PTPRK: variants seen among roughly 807,000 people sequenced by gnomAD.
The protein encoded by PTPRK is receptor-type tyrosine-protein phosphatase kappa.
In PTPRK, 75 loss-of-function variants were observed where a neutral mutation model predicts 178.0. The ratio of observed to expected loss-of-function variants is 0.42; its 90% confidence interval spans 0.35 to 0.51. The LOEUF (loss-of-function observed/expected upper bound fraction) is 0.51, where lower values mean the gene tolerates loss of function less well. Ranked by LOEUF, PTPRK falls within the 20% of genes least tolerant of loss-of-function variation. The probability of loss-of-function intolerance (pLI) is 0.02; values close to 1 mark genes in which losing one functional copy is unlikely to be tolerated. For synonymous variants in PTPRK, 637 were observed against 620.6 expected (o/e 1.03, Z -0.39); for missense variants, 1,441 against 1,797.8 (o/e 0.80, Z 3.59).
At chr6:128,364,636 GATAA>G (rs1207700723) in intron 2 of PTPRK, among the ~76,000 whole-genome samples, 7 of 152,014 alleles carry the variant, frequency 4.6e-5, no homozygotes, top group African/African-American at 9.6e-5. Flanking sequence ...TAAACAGACA[GATAA>G]ATAAATAAAT....
chr6:128,236,510 G>A (rs933173685), intron 5 of PTPRK, among the ~76,000 whole-genome samples: 5 of 151,662 alleles, frequency 3.3e-5, no homozygotes, highest in East Asian at 1.9e-4. Context: ...CACCACGCCC[G>A]GCTAATTTTT....
chr6:128,106,736 C>A (rs1213535938), intron 7 of PTPRK, among the ~76,000 whole-genome samples: 2 of 152,158 alleles, frequency 1.3e-5, no homozygotes, highest in Non-Finnish European at 1.5e-5. Context: ...TTCAATAATT[C>A]TTTTGAATGT....
At chr6:128,061,346 C>A (rs1184889134) in intron 13 of PTPRK, among the ~76,000 whole-genome samples, 3 of 152,114 alleles carry the variant, frequency 2.0e-5, no homozygotes. Flanking sequence ...AAGCAACAGA[C>A]TGTTGCATAT....
intron 1 of PTPRK, among the ~76,000 whole-genome samples, chr6:128,420,892 A>G (rs1270639127): frequency 6.6e-6 from 1 of 152,220 alleles, no homozygotes; most frequent in East Asian, 1.9e-4. Flanking sequence ...CAGTATAATC[A>G]ATTTCAACTC....
intron 1 of PTPRK, among the ~76,000 whole-genome samples, chr6:128,480,223 C>T (rs975882490): frequency 6.6e-6 from 1 of 152,130 alleles, no homozygotes; most frequent in African/African-American, 2.4e-5. Flanking sequence ...GGCTTGACCT[C>T]TCTCATTCCC....
intron 13 of PTPRK, among the ~76,000 whole-genome samples, chr6:128,019,605 T>TTTCC (rs759316776): frequency 1.4e-4 from 22 of 152,166 alleles, no homozygotes; most frequent in Non-Finnish European, 2.6e-4. Context: ...TACTTTTTTG[T>TTTCC]TTCCTTCCTT....
intron 14 of PTPRK, among the ~76,000 whole-genome samples, chr6:128,005,650 T>C (rs1170561342): frequency 1.1e-3 from 1 of 952 alleles, no homozygotes; most frequent in Admixed American, 0.01. Context: ...CTTTTAGAAA[T>C]AACATGACTA....
chr6:128,462,298 GC>G (rs1849154942), intron 1 of PTPRK, among the ~76,000 whole-genome samples: 1 of 152,130 alleles, frequency 6.6e-6, no homozygotes, highest in South Asian at 2.1e-4. Context: ...TTTTAAATTT[GC>G]TAGTAAACTG....
intron 3 of PTPRK, among the ~76,000 whole-genome samples, chr6:128,314,512 C>G (rs1827732247): frequency 6.6e-6 from 1 of 152,192 alleles, no homozygotes; most frequent in African/African-American, 2.4e-5. Flanking sequence ...ATTCCACTTC[C>G]CTTAAATGCT....
chr6:128,262,857 C>CAAAAAAAAAAAAAAAAAAAAAAA (rs747334195), intron 3 of PTPRK, among the ~76,000 whole-genome samples: 2 of 75,104 alleles, frequency 2.7e-5, no homozygotes, highest in African/African-American at 1.0e-4. Context: ...AACCAATAAC[C>CAAAAAAAAAAAAAAAAAAAAAAA]AAAAAAAAAA....
rs551025419 is a variant in PTPRK, at chr6:128,451,328, A to T, written c.101-53640T>A. On this transcript the variant is annotated intron_variant, in intron 1 of 29. Coordinates refer to ENST00000368226, the MANE Select transcript of PTPRK (RefSeq NM_002844.4). ...CAAAAAACACCAATCTATTTTAACA[A>T]AACAGAGTATAAATTGCTCACTGAT... Among the ~76,000 whole-genome samples, 49 of 152,354 alleles carry T rather than the reference A, an allele frequency of 3.2e-4. No individual in the cohort carries two copies. The South Asian group carries it at 6.6e-3, about 21-fold the overall frequency.
chr6:128,149,980 C>T (rs1408527786), intron 7 of PTPRK, among the ~76,000 whole-genome samples: 2 of 152,290 alleles, frequency 1.3e-5, no homozygotes, highest in African/African-American at 4.8e-5. Flanking sequence ...ATTACAGAAT[C>T]TTCCTCAATA....
intron 2 of PTPRK, among the ~76,000 whole-genome samples, chr6:128,387,834 A>G (rs1838977146): frequency 6.6e-6 from 1 of 152,120 alleles, no homozygotes; most frequent in Admixed American, 6.6e-5. Flanking sequence ...AAATTAAGGG[A>G]AACCTGATGC....
chr6:128,428,482 T>A (rs2128392047), intron 1 of PTPRK, among the ~76,000 whole-genome samples: 1 of 152,270 alleles, frequency 6.6e-6, no homozygotes. Flanking sequence ...GGAGTCTACG[T>A]TCCACAAGCA....
intron 13 of PTPRK, among the ~76,000 whole-genome samples, chr6:128,038,277 T>A (rs979608774): frequency 1.3e-5 from 2 of 152,176 alleles, no homozygotes; most frequent in East Asian, 1.9e-4. Context: ...TGTCTTACTG[T>A]CATTCTTCAA....
chr6:128,341,484 T>G (rs886583846), intron 2 of PTPRK, among the ~76,000 whole-genome samples: 5 of 152,130 alleles, frequency 3.3e-5, no homozygotes, highest in Non-Finnish European at 7.4e-5. Flanking sequence ...TGGAATAAAA[T>G]TATGTGTACA....
At chr6:128,150,703 T>C (rs1168988922) in intron 7 of PTPRK, among the ~76,000 whole-genome samples, 1 of 152,098 alleles carries the variant, frequency 6.6e-6, no homozygotes, top group African/African-American at 2.4e-5. Context: ...CCTTGAGGTG[T>C]CCCAAGTGTC....
chr6:127,992,846 A>G, intron 18 of PTPRK, 137 bp from the exon 19 acceptor site: 1 of 599,036 alleles, frequency 1.7e-6, no homozygotes, highest in Non-Finnish European at 2.9e-6. Flanking sequence ...GTGAACACAT[A>G]GTTCACTTCT....
At chr6:128,285,415 T>G (rs998712570) in intron 3 of PTPRK, among the ~76,000 whole-genome samples, 3 of 151,622 alleles carry the variant, frequency 2.0e-5, no homozygotes, top group Non-Finnish European at 2.9e-5. Flanking sequence ...CTTTGGAGGC[T>G]GAGACAGAAG....
Sources: gnomAD v4.1 joint callset for allele counts (sites outside exome capture counted in the v4.1 genomes callset) on GRCh38, gnomAD v4.1.1 for gene constraint, MANE v1.5 for transcripts, NCBI Gene and HGNC (gene_info 2026-07-23, HGNC 2026-07-21) for gene names.